The following TMEM71 variants were observed in gnomAD, a reference collection of about 807,000 sequenced individuals.
TMEM71 encodes the protein transmembrane protein 71.
In TMEM71, 44 loss-of-function variants were observed where a neutral mutation model predicts 38.0. The observed-to-expected ratio is 1.16, with a 90% CI of 0.91 to 1.49. TMEM71 has a LOEUF of 1.49. Among genes scored for constraint, TMEM71 ranks in the 40% most tolerant of loss-of-function variants. TMEM71 has a pLI of 0.00. For synonymous variants in TMEM71, 133 were observed against 122.5 expected (o/e 1.09, Z -0.56); for missense variants, 367 against 348.6 (o/e 1.05, Z -0.42).
chr8:132,750,191 T>C (rs1302648456), intron 4 of TMEM71, among the ~76,000 whole-genome samples: 3 of 152,144 alleles, frequency 2.0e-5, no homozygotes, highest in African/African-American at 7.2e-5. Flanking sequence ...CAACGGAGGA[T>C]AAGTGGTGCT....
chr8:132,757,689 GGT>G (rs1829103470), intron 2 of TMEM71, among the ~76,000 whole-genome samples: 2 of 152,062 alleles, frequency 1.3e-5, no homozygotes, highest in South Asian at 4.1e-4. Context: ...AGCAGGGCGT[GGT>G]GGTGGGCGCC....
rs1828428362 is a variant in TMEM71 at position 132,747,014 on chromosome 8, T to C, written c.415A>G (p.Asn139Asp). ...CAGTTGTCTTCACTTGGAGAAGAGT[T>C]GATGTCACCAAAGATACTTCCATGC... ...WLHGSIFGDI[N>D]SSPSEDNWLK... Residue 139 changes from asparagine (N) to aspartate (D), a missense_variant, in exon 5 of 10, where the codon AAC becomes GAC. Transcript: ENST00000677595. 1.9e-6 allele frequency: 3 copies of C among 1,613,862 alleles called. No individual in the cohort carries two copies. The highest frequency in any genetic ancestry group is 2.5e-6 in the Non-Finnish European group (3 of 1,179,908).
At chr8:132,737,118 G>A (rs1390671134) in intron 5 of TMEM71, among the ~76,000 whole-genome samples, 1 of 151,972 alleles carries the variant, frequency 6.6e-6, no homozygotes, top group Non-Finnish European at 1.5e-5. Context: ...GAGTGACTGC[G>A]AGTGAGTATC....
chr8:132,711,843 G>C (rs748601118), intron 9 of TMEM71, among the ~76,000 whole-genome samples: 42 of 152,214 alleles, frequency 2.8e-4, no homozygotes, highest in Non-Finnish European at 5.0e-4. Flanking sequence ...GTGTGTGTTG[G>C]GGGGAGGGTG....
chr8:132,746,366 CATATATATACAT>C (rs1168929632), intron 5 of TMEM71, among the ~76,000 whole-genome samples: 1,197 of 20,580 alleles, frequency 0.058, 21 homozygotes, highest in Non-Finnish European at 0.14. Context: ...TATACACACA[CATATATATACAT>C]ATATATATAC....
At position 132,725,772 on chromosome 8, in the gene TMEM71, G is replaced by T. The variant is rs147690682; in HGVS notation, c.676+2026C>A. Among the ~76,000 whole-genome samples, 720 of 152,294 alleles carry T rather than the reference G, an allele frequency of 4.7e-3. 8 individuals are homozygous for T. Among genetic ancestry groups the T allele is most frequent in the African/African-American group, 0.017 (691 of 41,550 alleles). ...AAGCGCTACCTCCACCAGCCAGAAG[G>T]GGGTAGAGAAGGTGCATAGAGGTGG... On this transcript the variant is annotated intron_variant, in intron 6 of 9. Transcript: ENST00000677595.
At chr8:132,714,465 C>G (rs760591457) in intron 7 of TMEM71, among the ~76,000 whole-genome samples, 1 of 151,894 alleles carries the variant, frequency 6.6e-6, no homozygotes, top group Non-Finnish European at 1.5e-5. Context: ...GAGAACATAC[C>G]GTCTTTTCAA....
intron 9 of TMEM71, among the ~76,000 whole-genome samples, chr8:132,712,645 C>T (rs984351568): frequency 6.6e-6 from 1 of 152,106 alleles, no homozygotes; most frequent in African/African-American, 2.4e-5. Flanking sequence ...CTGGGGCATT[C>T]ACACCCTGGT....
rs558231960 is a variant in TMEM71 at position 132,710,695 on chromosome 8, G to T, written c.*272C>A. The T allele has an allele frequency of 1.8e-6, 1 of 546,872 alleles. No homozygotes were observed. Among genetic ancestry groups the T allele is most frequent in the African/African-American group, 2.0e-5 (1 of 50,656 alleles). 33.9% of individuals were successfully genotyped at this position (546,872 alleles called of 1,614,324 possible). ...CATAGGGGGACATTTATTCCAGGCG[G>T]TCTCTTTTCCATCACATTCCCCGTC... On this transcript the variant is annotated 3_prime_UTR_variant, in exon 10 of 10. Transcript: ENST00000677595.
Position 132,722,105 on chromosome 8 carries a change from C to T in TMEM71, c.687G>A (p.Leu229=), listed in dbSNP as rs1163897104. The part of the protein sequence containing the change: ...ENSSDHSETR[L]LQEVFFQAIL... ...TTGCCTGAAAGAAGACCTCTTGCAA[C>T]AACCTGGTTTCTAATAGGAAGAACA... Residue 229 remains leucine (L), a synonymous_variant, in exon 7 of 10, where the codon TTG becomes TTA. Transcript: ENST00000677595. 1 of 1,612,490 alleles carries T rather than the reference C, an allele frequency of 6.2e-7. No individual in the cohort carries two copies. The highest frequency in any genetic ancestry group is 8.5e-7 in the Non-Finnish European group (1 of 1,179,068).
At chr8:132,762,764 G>T (rs933289058), upstream of TMEM71, among the ~76,000 whole-genome samples, 11 of 152,182 alleles carry the variant, frequency 7.2e-5, no homozygotes, top group Admixed American at 2.0e-4. Context: ...TCTCGAGTTT[G>T]CTTTCTTAAC....
chr8:132,766,744 T>C, the TMEM71 span, among the ~76,000 whole-genome samples: 1 of 149,762 alleles, frequency 6.7e-6, no homozygotes, highest in African/African-American at 2.5e-5. Context: ...TGAGCCAACA[T>C]TGCGTACCCT....
intron 3 of TMEM71, among the ~76,000 whole-genome samples, chr8:132,756,586 A>T (rs1051855010): frequency 1.9e-4 from 29 of 149,924 alleles, no homozygotes; most frequent in Middle Eastern, 7.0e-3. Flanking sequence ...AATAATAATA[A>T]TATAATAATA....
chr8:132,707,484 C>G (rs1012168151), downstream of TMEM71, among the ~76,000 whole-genome samples: 1 of 152,116 alleles, frequency 6.6e-6, no homozygotes, highest in Non-Finnish European at 1.5e-5. Flanking sequence ...CATGAGGGCT[C>G]AGCCCTCATG....
intron 5 of TMEM71, among the ~76,000 whole-genome samples, chr8:132,729,700 G>A (rs1314409182): frequency 6.6e-6 from 1 of 152,196 alleles, no homozygotes; most frequent in East Asian, 1.9e-4. Context: ...GGCCTTAGAA[G>A]TCATAGTAGT....
chr8:132,751,868 T>C lies in TMEM71; in HGVS notation c.231A>G (p.Glu77=). ...CATCTTTGTCGCACAGGAAGCTGTC[T>C]TCAGTCCAAATATAGTAGCCATTGG... ...LLTNGYYIWT[E]DSFLCDKDGN... The change falls in exon 4 of 10, where the codon GAA becomes GAG. Residue 77 remains glutamate, a synonymous_variant. Transcript: ENST00000677595. The C allele has an allele frequency of 6.2e-7, 1 of 1,614,060 alleles. No homozygotes were observed. The highest frequency in any genetic ancestry group is 8.5e-7 in the Non-Finnish European group (1 of 1,180,048).
intron 5 of TMEM71, among the ~76,000 whole-genome samples, chr8:132,736,187 G>A (rs1191823786): frequency 6.6e-6 from 1 of 152,202 alleles, no homozygotes; most frequent in Non-Finnish European, 1.5e-5. Flanking sequence ...AACGTTCACT[G>A]TTGCTCTGTG....
At chr8:132,723,329 T>A (rs143330431) in intron 6 of TMEM71, among the ~76,000 whole-genome samples, 2 of 152,200 alleles carry the variant, frequency 1.3e-5, no homozygotes, top group South Asian at 4.1e-4. Context: ...AAATCTAGCT[T>A]GAAAAACTGC....
chr8:132,716,150 G>T (rs1826516454), intron 7 of TMEM71, among the ~76,000 whole-genome samples: 1 of 152,202 alleles, frequency 6.6e-6, no homozygotes, highest in Admixed American at 6.5e-5. Flanking sequence ...ACTCTTGGGG[G>T]CCTTGGAAGC....
Sources: gnomAD v4.1 joint callset for allele counts (sites outside exome capture counted in the v4.1 genomes callset) on GRCh38, gnomAD v4.1.1 for gene constraint, MANE v1.5 for transcripts, NCBI Gene and HGNC (gene_info 2026-07-23, HGNC 2026-07-21) for gene names.